The following FBP2 variants were observed in gnomAD, a reference collection of about 807,000 sequenced individuals.
FBP2 encodes the protein fructose-1,6-bisphosphatase isozyme 2.
In FBP2, 27 loss-of-function variants were observed where a neutral mutation model predicts 31.6. That is an observed-to-expected ratio of 0.85 (90% CI 0.63 to 1.18). FBP2 has a LOEUF of 1.18. Among genes scored for constraint, FBP2 ranks in the 50% most tolerant of loss-of-function variants. The probability of loss-of-function intolerance (pLI) is 0.00; values close to 1 mark genes in which losing one functional copy is unlikely to be tolerated. For synonymous variants in FBP2, 168 were observed against 179.8 expected, an observed-to-expected ratio of 0.93 and a Z score of 0.53; for missense variants, 421 against 436.1, an observed-to-expected ratio of 0.97 and a Z score of 0.31.
chr9:94,589,496 G>A (rs1827467068), intron 1 of FBP2, among the ~76,000 whole-genome samples: 1 of 152,174 alleles, frequency 6.6e-6, no homozygotes, highest in Non-Finnish European at 1.5e-5. Context: ...CCATCCTTCT[G>A]TCTGTTTCTG....
intron 3 of FBP2, among the ~76,000 whole-genome samples, chr9:94,579,071 G>GAAAAAAAAAAT (rs1564185245): frequency 1.1e-5 from 1 of 87,196 alleles, no homozygotes; most frequent in African/African-American, 4.9e-5. Context: ...AAAAAAAAAG[G>GAAAAAAAAAAT]TTATTTTAAA....
At position 94,559,107 on chromosome 9, in the gene FBP2, G is replaced by A; in HGVS notation, c.851C>T (p.Pro284Leu). ...GKLRLLYECN[P>L]VAYIIEQAGG... ...TGCCTGCTCAATGATGTAGGCCACG[G>A]GATTGCATTCATACAGGAGCCGGAG... The change falls in exon 7 of 7, where the codon CCC becomes CTC. Residue 284 changes from proline to leucine, a missense_variant. By Grantham distance (98) the Pro-to-Leu change is moderately conservative. Coordinates refer to ENST00000375337, the MANE Select transcript of FBP2 (RefSeq NM_003837.4). The A allele has an allele frequency of 6.2e-7, 1 of 1,613,276 alleles. No individual in the cohort carries two copies. The highest frequency in any genetic ancestry group is 8.5e-7 in the Non-Finnish European group (1 of 1,179,642).
At chr9:94,579,267 G>A (rs537288376) in intron 3 of FBP2, among the ~76,000 whole-genome samples, 7 of 149,342 alleles carry the variant, frequency 4.7e-5, no homozygotes, top group East Asian at 2.0e-4. Flanking sequence ...GCGTGGTGCC[G>A]GGCGCCTGTA....
intron 3 of FBP2, among the ~76,000 whole-genome samples, chr9:94,582,216 G>A (rs545766109): frequency 1.1e-4 from 16 of 152,200 alleles, no homozygotes; most frequent in Non-Finnish European, 2.2e-4. Context: ...TGATATACAG[G>A]ACCTAAATGG....
chr9:94,580,028 G>T (rs1827359502), intron 3 of FBP2, among the ~76,000 whole-genome samples: 1 of 152,136 alleles, frequency 6.6e-6, no homozygotes, highest in African/African-American at 2.4e-5. Context: ...TGACTTCCAG[G>T]TTATCCAAAT....
At chr9:94,560,561 A>G (rs1444468312) in intron 6 of FBP2, among the ~76,000 whole-genome samples, 2 of 151,564 alleles carry the variant, frequency 1.3e-5, no homozygotes, top group African/African-American at 2.4e-5. Flanking sequence ...CTCCATTATC[A>G]CCTTACGAAA....
chr9:94,571,786 T>C (rs1827272868), intron 3 of FBP2, among the ~76,000 whole-genome samples, 184 bp from the exon 4 acceptor site: 1 of 152,350 alleles, frequency 6.6e-6, no homozygotes, highest in Non-Finnish European at 1.5e-5. Context: ...AGCTGAGCCA[T>C]GGCAAAGGCC....
At chr9:94,578,387 T>C (rs1236154011) in intron 3 of FBP2, among the ~76,000 whole-genome samples, 4 of 152,180 alleles carry the variant, frequency 2.6e-5, no homozygotes, top group African/African-American at 7.2e-5. Flanking sequence ...TTGTATAATA[T>C]CTGTTTTCAG....
intron 3 of FBP2, among the ~76,000 whole-genome samples, chr9:94,582,754 T>TA (rs1478921579): frequency 6.6e-6 from 1 of 151,926 alleles, no homozygotes; most frequent in Non-Finnish European, 1.5e-5. Context: ...TTCACCATGT[T>TA]AGCCAGGATG....
chr9:94,584,884 T>A (rs112738494), intron 2 of FBP2, among the ~76,000 whole-genome samples: 19 of 152,320 alleles, frequency 1.2e-4, no homozygotes, highest in African/African-American at 4.6e-4. Flanking sequence ...ACCTGTCTGA[T>A]GCGAAGACCA....
intron 1 of FBP2, among the ~76,000 whole-genome samples, chr9:94,591,354 G>T (rs112843139): frequency 0.11 from 16,112 of 152,248 alleles, 1,320 homozygotes; most frequent in East Asian, 0.3. Context: ...ACTGCTGGGG[G>T]ACTCAGTACA....
chr9:94,574,363 G>A (rs1655337588), intron 3 of FBP2, among the ~76,000 whole-genome samples: 1 of 152,130 alleles, frequency 6.6e-6, no homozygotes, highest in Admixed American at 6.6e-5. Flanking sequence ...CAATTTGACA[G>A]GTGGACAAAA....
intron 3 of FBP2, among the ~76,000 whole-genome samples, chr9:94,580,593 G>C (rs78303893): frequency 0.051 from 7,730 of 152,254 alleles, 269 homozygotes; most frequent in Middle Eastern, 0.095. Context: ...CTACAGTTCT[G>C]TTTTAATCAA....
intron 3 of FBP2, among the ~76,000 whole-genome samples, chr9:94,580,427 G>C (rs953890699): frequency 2.8e-4 from 42 of 152,142 alleles, no homozygotes; most frequent in Admixed American, 2.7e-3. Context: ...ATGTTGGCCA[G>C]GCTGGTCTTG....
chr9:94,562,709 G>A (rs540590035), intron 6 of FBP2, among the ~76,000 whole-genome samples: 2 of 152,260 alleles, frequency 1.3e-5, no homozygotes, highest in East Asian at 3.9e-4. Flanking sequence ...ATTTTTATGG[G>A]AGGTTCTCTG....
intron 3 of FBP2, chr9:94,573,115 G>C (rs1827285630): frequency 1.3e-5 from 2 of 152,278 alleles, no homozygotes; most frequent in Middle Eastern, 3.4e-3. Context: ...ACATATGTTG[G>C]GTAACAGTGG....
intron 4 of FBP2, chr9:94,569,760 T>C (rs1827245404): frequency 6.6e-6 from 1 of 152,202 alleles, no homozygotes; most frequent in Non-Finnish European, 1.5e-5. Flanking sequence ...TTACCCACAA[T>C]GGAGAGTTGG....
chr9:94,579,050 C>CTAAAAAAA (rs1564185204), intron 3 of FBP2, among the ~76,000 whole-genome samples: 1 of 30,594 alleles, frequency 3.3e-5, no homozygotes, highest in Non-Finnish European at 5.1e-5. Context: ...GAGACTCTGT[C>CTAAAAAAA]AAAAAAAAAA....
At chr9:94,590,206 G>A (rs944553054) in intron 1 of FBP2, among the ~76,000 whole-genome samples, 7 of 152,240 alleles carry the variant, frequency 4.6e-5, no homozygotes, top group African/African-American at 1.2e-4. Context: ...TCTCTAGCCC[G>A]TAGGACAGTA....
Sources: gnomAD v4.1 joint callset for allele counts (sites outside exome capture counted in the v4.1 genomes callset) on GRCh38, gnomAD v4.1.1 for gene constraint, MANE v1.5 for transcripts, NCBI Gene and HGNC (gene_info 2026-07-23, HGNC 2026-07-21) for gene names.